The following HOMER1 variants were observed in gnomAD, a reference collection of about 807,000 sequenced individuals.
HOMER1 encodes homer scaffold protein 1.
Under a neutral mutation model 48.9 loss-of-function variants are expected in HOMER1, and 3 were observed. The ratio of observed to expected loss-of-function variants is 0.06; its 90% CI spans 0.03 to 0.16. HOMER1 has a LOEUF of 0.16. Among genes scored for constraint, HOMER1 ranks in the 10% least tolerant of loss-of-function variants. The pLI, the probability that HOMER1 is intolerant of heterozygous loss-of-function variation, is 1.00. For missense variants in HOMER1, 247 were observed against 411.4 expected, an observed-to-expected ratio of 0.60 and a Z score of 3.46; for synonymous variants, 134 against 146.4, an observed-to-expected ratio of 0.92 and a Z score of 0.61.
In HOMER1 at chr5:79,513,543, G is replaced by C. The variant is rs1724947978; in HGVS notation, c.-769C>G. 1 of 152,536 alleles carries C rather than the reference G, an allele frequency of 6.6e-6. No homozygotes were observed. The highest frequency in any genetic ancestry group is 2.1e-4 in the South Asian group (1 of 4,838). The allele number at this position is 152,536 out of a possible 1,614,324, so 9.4% of individuals were successfully genotyped here. ...CTGGGGGCGCAGCGCACGCCGGAGA[G>C]CTGGAGGAGGGGACCCGATCCCACC... On this transcript the variant is annotated 5_prime_UTR_variant, in exon 1 of 9. Coordinates refer to ENST00000334082, the MANE Select transcript of HOMER1 (RefSeq NM_004272.5).
chr5:79,440,046 A>G (rs1310470219), intron 4 of HOMER1, among the ~76,000 whole-genome samples: 2 of 152,172 alleles, frequency 1.3e-5, no homozygotes, highest in African/African-American at 4.8e-5. Context: ...GGGCAAAAAA[A>G]TGTTACAATT....
At chr5:79,456,841 T>C (rs757575158) in intron 2 of HOMER1, 21 bp downstream of exon 2, 4 of 1,601,668 alleles carry the variant, frequency 2.5e-6, no homozygotes, top group Admixed American at 1.7e-5. Context: ...AGCCAAATCA[T>C]TCAAAGTAAA....
intron 1 of HOMER1, among the ~76,000 whole-genome samples, chr5:79,506,545 G>A (rs995176390): frequency 2.0e-5 from 3 of 152,114 alleles, no homozygotes; most frequent in African/African-American, 7.2e-5. Flanking sequence ...ATGGAGAGGC[G>A]TGCTGTAAAA....
chr5:79,446,487 A>G (rs867968200), intron 4 of HOMER1, among the ~76,000 whole-genome samples: 1 of 152,194 alleles, frequency 6.6e-6, no homozygotes. Flanking sequence ...TGACTATCAC[A>G]TGATCTTTAT....
At chr5:79,391,699 C>T (rs539251448) in intron 8 of HOMER1, among the ~76,000 whole-genome samples, 3 of 150,874 alleles carry the variant, frequency 2.0e-5, no homozygotes, top group Non-Finnish European at 3.0e-5. Flanking sequence ...GCTGAGATCG[C>T]GCCACTGCAT....
intron 4 of HOMER1, among the ~76,000 whole-genome samples, chr5:79,440,986 A>C (rs1195941622): frequency 6.6e-6 from 1 of 151,882 alleles, no homozygotes; most frequent in African/African-American, 2.4e-5. Flanking sequence ...GATGAAACCC[A>C]ATCTCTACAA....
At chr5:79,489,663 G>A (rs2112355232) in intron 1 of HOMER1, among the ~76,000 whole-genome samples, 1 of 152,024 alleles carries the variant, frequency 6.6e-6, no homozygotes, top group Admixed American at 6.5e-5. Flanking sequence ...AAATTTAAAG[G>A]GCAGAATCTC....
chr5:79,509,280 G>A (rs767350107), intron 1 of HOMER1, among the ~76,000 whole-genome samples: 6 of 152,220 alleles, frequency 3.9e-5, no homozygotes, highest in Non-Finnish European at 7.3e-5. Context: ...TTAGCAGGGA[G>A]AGCCCCATTT....
chr5:79,444,811 A>G (rs1336459119), intron 4 of HOMER1, among the ~76,000 whole-genome samples: 1 of 152,204 alleles, frequency 6.6e-6, no homozygotes, highest in Non-Finnish European at 1.5e-5. Flanking sequence ...CCCAATATGT[A>G]TTGCCACTTA....
intron 1 of HOMER1, among the ~76,000 whole-genome samples, chr5:79,463,143 C>G (rs1439440996): frequency 6.6e-6 from 1 of 152,124 alleles, no homozygotes; most frequent in Non-Finnish European, 1.5e-5. Flanking sequence ...GACTATCTAC[C>G]AACTGTTCTT....
chr5:79,392,931 G>A (rs961013771), intron 8 of HOMER1, among the ~76,000 whole-genome samples: 4 of 146,968 alleles, frequency 2.7e-5, no homozygotes, highest in African/African-American at 1.0e-4. Context: ...TCTTACGAGG[G>A]AGGGAGGGAA....
chr5:79,497,152 T>C (rs1752448261), intron 1 of HOMER1, among the ~76,000 whole-genome samples: 1 of 148,136 alleles, frequency 6.8e-6, no homozygotes. Flanking sequence ...CTAGACAGAA[T>C]AACATAGAAG....
chr5:79,390,046 G>A (rs1355760610), intron 8 of HOMER1, among the ~76,000 whole-genome samples: 1 of 152,194 alleles, frequency 6.6e-6, no homozygotes, highest in East Asian at 1.9e-4. Context: ...GGCACTTTGG[G>A]AGGCCAAGGT....
rs55724615 is a variant in HOMER1, at chr5:79,471,551, GAAAAAAAA to G, written c.6-14541_6-14534del. Among the ~76,000 whole-genome samples, 509 of 97,690 alleles carry G rather than the reference GAAAAAAAA, an allele frequency of 5.2e-3. 5 individuals carry two copies. Among genetic ancestry groups the G allele is most frequent in the African/African-American group, 0.012 (338 of 27,654 alleles). 64.1% of individuals were successfully genotyped at this position (97,690 alleles called of 152,430 possible). A position where few individuals can be genotyped will look rare whatever the true frequency, so the allele number is the denominator to read the frequency against. On this transcript the variant is annotated intron_variant, in intron 1 of 8. Transcript: ENST00000334082. ...AATAAGAGCAAAACTCCATCTCAAA[GAAAAAAAA>G]AAAAAAAAAAAAAAGAAAGAAAAAA...
rs994250921 is a variant in HOMER1, at chr5:79,482,841, TA to T, written c.6-25824del. On this transcript the variant is annotated intron_variant, in intron 1 of 8. Transcript: ENST00000334082. ...CAAGACCCTGTCTCTAAAAAAATAT[TA>T]AAAAAAAAAAAATAGCTGGACATGG... Among the ~76,000 whole-genome samples, 600 of 141,680 alleles carry T rather than the reference TA, an allele frequency of 4.2e-3. 3 individuals are homozygous for T. The highest frequency in any genetic ancestry group is 0.01 in the African/African-American group (408 of 38,930). The allele number at this position is 141,680 out of a possible 152,430, so 92.9% of individuals were successfully genotyped here. A position where few individuals can be genotyped will look rare whatever the true frequency, so the allele number is the denominator to read the frequency against.
chr5:79,398,664 T>C (rs62363106), intron 6 of HOMER1, among the ~76,000 whole-genome samples: 2,076 of 152,228 alleles, frequency 0.014, 22 homozygotes, highest in Non-Finnish European at 0.02. Flanking sequence ...GATTCCACCA[T>C]TCAAAGACTT....
At chr5:79,381,921 T>C (rs1748993270) in intron 8 of HOMER1, among the ~76,000 whole-genome samples, 1 of 149,298 alleles carries the variant, frequency 6.7e-6, no homozygotes, top group Non-Finnish European at 1.5e-5. Context: ...TGAAAAATAA[T>C]TCAGGCTATG....
At chr5:79,430,322 A>C (rs1316442295) in intron 5 of HOMER1, among the ~76,000 whole-genome samples, 1 of 152,232 alleles carries the variant, frequency 6.6e-6, no homozygotes, top group Middle Eastern at 3.2e-3. Flanking sequence ...CCACAATGAG[A>C]TACCACTTCA....
intron 5 of HOMER1, among the ~76,000 whole-genome samples, chr5:79,402,270 A>AT (rs1749553510): frequency 6.6e-6 from 1 of 150,912 alleles, no homozygotes; most frequent in Non-Finnish European, 1.5e-5. Context: ...GGTTCAAGCG[A>AT]TTCTCCTGCC....
Sources: allele counts gnomAD v4.1 joint callset (sites outside exome capture counted in the v4.1 genomes callset), GRCh38; gene constraint gnomAD v4.1.1; transcripts MANE v1.5; gene names NCBI Gene and HGNC (gene_info 2026-07-23, HGNC 2026-07-21).